Variants in TSGA10 observed in about 807,000 individuals in gnomAD.
TSGA10 encodes the protein testis specific 10, also known as testis-specific gene 10 protein.
Under a neutral mutation model 96.6 loss-of-function variants are expected in TSGA10, and 43 were observed. The observed-to-expected ratio is 0.44, with a 90% CI of 0.35 to 0.57. The LOEUF is 0.57. TSGA10 is among the 20% of genes least tolerant of loss of function. The pLI, the probability that TSGA10 is intolerant of heterozygous loss-of-function variation, is 0.01. For missense variants in TSGA10, 703 were observed against 834.4 expected (o/e 0.84, Z 1.94); for synonymous variants, 229 against 269.9 (o/e 0.85, Z 1.48).
intron 16 of TSGA10, among the ~76,000 whole-genome samples, chr2:99,061,358 C>T (rs1055063679): frequency 6.6e-6 from 1 of 152,124 alleles, no homozygotes; most frequent in South Asian, 2.1e-4. Flanking sequence ...ATTAACAATA[C>T]CAAGTGTGGG....
intron 16 of TSGA10, among the ~76,000 whole-genome samples, chr2:99,057,472 A>T (rs2084141961): frequency 6.6e-6 from 1 of 152,182 alleles, no homozygotes; most frequent in Admixed American, 6.5e-5. Flanking sequence ...GAATCTGAAA[A>T]TAAAAATAAG....
At chr2:99,100,680 C>T (rs1170075308) in intron 10 of TSGA10, among the ~76,000 whole-genome samples, 3 of 151,588 alleles carry the variant, frequency 2.0e-5, no homozygotes, top group Admixed American at 1.3e-4. Context: ...ATTAGCCAGG[C>T]GCGGTGGCGG....
chr2:99,005,392 C>A (rs2078371493), intron 20 of TSGA10, among the ~76,000 whole-genome samples: 1 of 152,200 alleles, frequency 6.6e-6, no homozygotes, highest in East Asian at 1.9e-4. Flanking sequence ...TCTAGAAAAC[C>A]CCATTGTCTC....
At chr2:99,068,815 G>T in intron 15 of TSGA10, 73 bp downstream of exon 15, 1 of 676,770 alleles carries the variant, frequency 1.5e-6, no homozygotes, top group South Asian at 4.2e-5. Context: ...CTGTCGTTCT[G>T]AGTATACCAA....
chr2:99,096,876 T>C (rs1315748578), intron 10 of TSGA10, among the ~76,000 whole-genome samples: 1 of 152,248 alleles, frequency 6.6e-6, no homozygotes, highest in Non-Finnish European at 1.5e-5. Context: ...AGTAAGTTTG[T>C]ACTTCATGCA....
At chr2:99,090,827 T>C (rs1291490330) in intron 10 of TSGA10, among the ~76,000 whole-genome samples, 1 of 152,058 alleles carries the variant, frequency 6.6e-6, no homozygotes, top group Non-Finnish European at 1.5e-5. Flanking sequence ...AGAAGAGAAA[T>C]CTAAAAGCAT....
intron 2 of TSGA10, among the ~76,000 whole-genome samples, chr2:99,123,253 T>C (rs1205205172): frequency 2.6e-5 from 4 of 152,196 alleles, no homozygotes; most frequent in Non-Finnish European, 1.5e-5. Flanking sequence ...CCTTCTTTCA[T>C]CTGTTTTATG....
At chr2:99,020,166 T>G (rs2104950144) in intron 18 of TSGA10, 114 bp downstream of exon 18, 1 of 825,560 alleles carries the variant, frequency 1.2e-6, no homozygotes, top group Non-Finnish European at 1.9e-6. Flanking sequence ...ACAGTATTTC[T>G]GATCCTTAGG....
At chr2:99,080,101 C>T (rs1286483497) in intron 11 of TSGA10, among the ~76,000 whole-genome samples, 2 of 152,164 alleles carry the variant, frequency 1.3e-5, no homozygotes, top group Non-Finnish European at 2.9e-5. Flanking sequence ...TTCTTGCTAC[C>T]CTTTAATAGC....
At position 99,032,971 on chromosome 2, in the gene TSGA10, C is replaced by T. The variant is rs556235788; in HGVS notation, c.1614+2259G>A. ...CATGTGCATGAAGACATGTTATGTG[C>T]GCTTTTGTTGCCAACCAACATCACA... On this transcript the variant is annotated intron_variant, in intron 17 of 20. Coordinates refer to ENST00000393483, the MANE Select transcript of TSGA10 (RefSeq NM_025244.4). Among the ~76,000 whole-genome samples, 6 of 152,290 alleles carry T rather than the reference C, an allele frequency of 3.9e-5. No individual in the cohort carries two copies. The East Asian group carries it at 5.8e-4, about 15-fold the overall frequency.
intron 4 of TSGA10, among the ~76,000 whole-genome samples, chr2:99,112,698 A>G (rs1414508669): frequency 6.6e-6 from 1 of 151,694 alleles, no homozygotes; most frequent in Non-Finnish European, 1.5e-5. Context: ...GGAGACCGGC[A>G]TGGCTGGAGC....
At position 99,080,374 on chromosome 2, in the gene TSGA10, C is replaced by G. The variant is rs377357692; in HGVS notation, c.727+908G>C. Among the ~76,000 whole-genome samples, 15 of 152,302 alleles carry G rather than the reference C, an allele frequency of 9.8e-5. No homozygotes were observed. In the East Asian group the frequency reaches 2.7e-3, roughly 27 times the overall value. On this transcript the variant is annotated intron_variant, in intron 11 of 20. Coordinates refer to ENST00000393483, the MANE Select transcript of TSGA10 (RefSeq NM_025244.4). Reference sequence around the variant, plus strand: ...TCCAAAATAACACTCACTTCTGGGTCTTCTTCCTACTTCTTTGGCTTCTTG... The same window carrying G: ...TCCAAAATAACACTCACTTCTGGGTGTTCTTCCTACTTCTTTGGCTTCTTG...
intron 20 of TSGA10, among the ~76,000 whole-genome samples, chr2:99,015,941 T>C (rs1021109387): frequency 6.6e-5 from 10 of 152,132 alleles, no homozygotes; most frequent in African/African-American, 1.7e-4. Context: ...CTTAGGAATA[T>C]ACCTAATCAA....
At chr2:99,103,193 G>C (rs1322127015) in intron 10 of TSGA10, among the ~76,000 whole-genome samples, 1 of 151,892 alleles carries the variant, frequency 6.6e-6, no homozygotes, top group Non-Finnish European at 1.5e-5. Context: ...AAGTTCCGGG[G>C]TACATGTGCA....
intron 17 of TSGA10, among the ~76,000 whole-genome samples, chr2:99,034,137 C>A (rs980315613): frequency 6.6e-6 from 1 of 152,128 alleles, no homozygotes; most frequent in Non-Finnish European, 1.5e-5. Context: ...ATGATGGTGG[C>A]TTTAAAAGTA....
intron 10 of TSGA10, among the ~76,000 whole-genome samples, chr2:99,085,710 CAAG>C (rs2088252036): frequency 9.3e-6 from 1 of 107,754 alleles, no homozygotes; most frequent in South Asian, 3.0e-4. Flanking sequence ...TGAAAAAAGA[CAAG>C]GAAAAAAGTT....
chr2:99,071,584 T>TA (rs978923072), intron 14 of TSGA10, 122 bp downstream of exon 14: 93 of 868,484 alleles, frequency 1.1e-4, no homozygotes, highest in South Asian at 1.5e-4. Flanking sequence ...TGTTATTTTT[T>TA]AAAAAAAAGA....
chr2:99,145,374 A>G (rs1436302357), intron 1 of TSGA10, among the ~76,000 whole-genome samples: 1 of 152,092 alleles, frequency 6.6e-6, no homozygotes, highest in Non-Finnish European at 1.5e-5. Flanking sequence ...CCTGTTCAAC[A>G]TGGCAAAACC....
At chr2:99,002,193 C>A (rs904334494) in intron 20 of TSGA10, among the ~76,000 whole-genome samples, 2 of 152,080 alleles carry the variant, frequency 1.3e-5, no homozygotes, top group African/African-American at 4.8e-5. Context: ...GTCAGATTCA[C>A]CGAAGTTGAA....
Sources: allele counts gnomAD v4.1 joint callset (sites outside exome capture counted in the v4.1 genomes callset), GRCh38; gene constraint gnomAD v4.1.1; transcripts MANE v1.5; gene names NCBI Gene and HGNC (gene_info 2026-07-23, HGNC 2026-07-21).